Variants in TPRG1 observed in about 807,000 individuals in gnomAD.
TPRG1 encodes the protein tumor protein p63 regulated 1, also known as tumor protein p63-regulated gene 1 protein.
A neutral mutation model predicts 29.3 loss-of-function variants in TPRG1; 29 were observed. The observed-to-expected ratio is 0.99, with a 90% confidence interval of 0.74 to 1.35. The LOEUF is 1.35. TPRG1 is among the 40% of genes most tolerant of loss of function. The probability of loss-of-function intolerance (pLI) is 0.00; values close to 1 mark genes in which losing one functional copy is unlikely to be tolerated. For missense variants in TPRG1, 327 were observed against 335.0 expected, an observed-to-expected ratio of 0.98 and a Z score of 0.19; for synonymous variants, 130 against 116.8, an observed-to-expected ratio of 1.11 and a Z score of -0.73.
At chr3:189,117,902 G>A (rs1203247037) in intron 1 of TPRG1, among the ~76,000 whole-genome samples, 2 of 152,286 alleles carry the variant, frequency 1.3e-5, no homozygotes, top group East Asian at 3.9e-4. Flanking sequence ...GACTATTACA[G>A]TAAATTGGTA....
chr3:189,099,679 G>A (rs1006475784), upstream of TPRG1, among the ~76,000 whole-genome samples: 4 of 152,026 alleles, frequency 2.6e-5, no homozygotes, highest in Non-Finnish European at 4.4e-5. Flanking sequence ...CAGCCCCGCC[G>A]GTAGCTCAAT....
intron 4 of TPRG1, among the ~76,000 whole-genome samples, chr3:189,239,448 T>C (rs1740150728): frequency 6.6e-6 from 1 of 152,116 alleles, no homozygotes; most frequent in South Asian, 2.1e-4. Context: ...AGCCAAACCA[T>C]GTCAGTAAAT....
intron 3 of TPRG1, among the ~76,000 whole-genome samples, chr3:189,228,946 TA>T (rs1257065369): frequency 1.3e-5 from 2 of 152,198 alleles, no homozygotes; most frequent in African/African-American, 4.8e-5. Context: ...ATCAGCACCA[TA>T]AGTCAGTTAT....
intron 5 of TPRG1, among the ~76,000 whole-genome samples, chr3:189,152,169 G>GT (rs141121407): frequency 0.043 from 6,457 of 148,552 alleles, 211 homozygotes; most frequent in African/African-American, 0.086. Context: ...CTTAAGATCT[G>GT]TTTTTTTTTT....
intron 3 of TPRG1, among the ~76,000 whole-genome samples, chr3:189,221,438 T>G (rs573682610): frequency 3.4e-4 from 52 of 152,328 alleles, no homozygotes; most frequent in African/African-American, 1.2e-3. Flanking sequence ...TATTGTAACC[T>G]TCAATGGCCA....
chr3:189,160,862 GTGTT>G (rs1313239547), intron 5 of TPRG1, among the ~76,000 whole-genome samples: 6 of 152,134 alleles, frequency 3.9e-5, no homozygotes, highest in Non-Finnish European at 5.9e-5. Context: ...TGTTTTTTGT[GTGTT>G]TGTTTGTTTG....
chr3:189,157,746 G>C (rs754007767), intron 5 of TPRG1, among the ~76,000 whole-genome samples: 1 of 152,160 alleles, frequency 6.6e-6, no homozygotes, highest in Non-Finnish European at 1.5e-5. Context: ...TGACAAATTT[G>C]TGGTATGAAT....
chr3:189,238,662 G>C, intron 3 of TPRG1, 71 bp from the exon 4 acceptor site: 1 of 1,310,988 alleles, frequency 7.6e-7, no homozygotes, highest in South Asian at 1.4e-5. Context: ...TGTGCTAGGA[G>C]AGATGTGAAG....
chr3:189,104,742 C>T (rs76448449), intron 1 of TPRG1, among the ~76,000 whole-genome samples: 3,530 of 152,012 alleles, frequency 0.023, 59 homozygotes, highest in Non-Finnish European at 0.039. Context: ...CCCACCTGAA[C>T]TATTAATGTG....
chr3:189,258,086 G>GT (rs1712234884), intron 4 of TPRG1, among the ~76,000 whole-genome samples: 4 of 152,126 alleles, frequency 2.6e-5, no homozygotes, highest in Admixed American at 2.6e-4. Context: ...AGGCATTCTG[G>GT]TTTTTGAAAT....
intron 4 of TPRG1, among the ~76,000 whole-genome samples, chr3:189,077,000 G>A (rs6444347): frequency 0.16 from 24,584 of 151,386 alleles, 3,842 homozygotes; most frequent in African/African-American, 0.41. Flanking sequence ...AAGATAAATT[G>A]TAAATGGCTA....
intron 1 of TPRG1, among the ~76,000 whole-genome samples, chr3:189,124,517 AT>A (rs1005967462): frequency 9.4e-5 from 14 of 149,424 alleles, no homozygotes; most frequent in Non-Finnish European, 1.6e-4. Flanking sequence ...ATATTATGAC[AT>A]TTTTTTTAAG....
At chr3:189,139,481 G>A (rs562283084) in intron 3 of TPRG1, among the ~76,000 whole-genome samples, 28 of 152,280 alleles carry the variant, frequency 1.8e-4, no homozygotes, top group Admixed American at 1.4e-3. Context: ...CAAACAGTGC[G>A]TGCCGCATCT....
chr3:189,023,950 G>C lies in TPRG1; in HGVS notation c.-463+4G>C, dbSNP rs1016977464. 4.6e-5 allele frequency: 7 copies of C among 152,406 alleles called. No individual in the cohort carries two copies. In the East Asian group the frequency reaches 1.4e-3, roughly 29 times the overall value. 9.4% of individuals were successfully genotyped at this position (152,406 alleles called of 1,614,324 possible). ...AGGTGGCTGAAGACTCCAGTTGGTA[G>C]GTCTCACCACTCAGGAGGAACGGGA... On this transcript the variant is annotated splice_donor_region_variant and intron_variant, in intron 4 of 10. Transcript: ENST00000433971.
chr3:189,239,051 C>T (rs1427970714), intron 4 of TPRG1, 142 bp downstream of exon 4: 1 of 646,484 alleles, frequency 1.5e-6, no homozygotes, highest in African/African-American at 1.8e-5. Flanking sequence ...AATCATTAAA[C>T]TAGAGTTCCT....
chr3:189,312,357 A>C (rs189167020), intron 5 of TPRG1, among the ~76,000 whole-genome samples: 2 of 151,960 alleles, frequency 1.3e-5, no homozygotes, highest in Non-Finnish European at 2.9e-5. Flanking sequence ...GCCCGAAAAC[A>C]TCTGTTAATC....
At chr3:189,171,832 G>A (rs1420345320), upstream of TPRG1, 5 of 152,218 alleles carry the variant, frequency 3.3e-5, no homozygotes, top group African/African-American at 9.7e-5. Flanking sequence ...GAGGACAGGA[G>A]GTAAAGGTGT....
At chr3:189,231,014 C>A (rs1225291158) in intron 3 of TPRG1, among the ~76,000 whole-genome samples, 2 of 152,130 alleles carry the variant, frequency 1.3e-5, no homozygotes, top group Non-Finnish European at 2.9e-5. Flanking sequence ...ACTCCTTCAA[C>A]TGATACTCTC....
At chr3:189,051,152 T>A (rs1265897328) in intron 4 of TPRG1, among the ~76,000 whole-genome samples, 1 of 152,184 alleles carries the variant, frequency 6.6e-6, no homozygotes, top group African/African-American at 2.4e-5. Flanking sequence ...ATGTCACTGT[T>A]TGCTGACGAT....
Sources: allele counts gnomAD v4.1 joint callset (sites outside exome capture counted in the v4.1 genomes callset), GRCh38; gene constraint gnomAD v4.1.1; transcripts MANE v1.5; gene names NCBI Gene and HGNC (gene_info 2026-07-23, HGNC 2026-07-21).